The following COL6A5 variants were observed in gnomAD, a reference collection of about 807,000 sequenced individuals.
COL6A5 encodes the protein collagen alpha-5(VI) chain.
In COL6A5, 48 loss-of-function variants were observed where a neutral mutation model predicts 65.6. That is an observed-to-expected ratio of 0.73 (90% CI 0.58 to 0.93). The LOEUF (loss-of-function observed/expected upper bound fraction) is 0.93, where lower values mean the gene tolerates loss of function less well. Among genes scored for constraint, COL6A5 ranks in the 40% least tolerant of loss-of-function variants. The pLI, the probability that COL6A5 is intolerant of heterozygous loss-of-function variation, is 0.00. For synonymous variants in COL6A5, 291 were observed against 322.8 expected (o/e 0.90, Z 1.05); for missense variants, 914 against 928.3 (o/e 0.98, Z 0.20).
intron 4 of COL6A5, among the ~76,000 whole-genome samples, chr3:130,452,167 C>T (rs1709458553): frequency 6.6e-6 from 1 of 152,176 alleles, no homozygotes; most frequent in African/African-American, 2.4e-5. Flanking sequence ...CCAGACCATA[C>T]ACAGACTACT....
At position 130,425,220 on chromosome 3, in the gene COL6A5, C is replaced by G. The variant is rs141583419; in HGVS notation, c.5164-994C>G. The stretch of plus-strand genomic sequence containing the variant: ...GTCCCAATGGGTACGACTGGGGATG[C>G]CACAACAGTTCGGATTAACTCCAGC... On this transcript the variant is annotated intron_variant and NMD_transcript_variant, in intron 29 of 41. Coordinates refer to the COL6A5 transcript ENST00000312481. Among the ~76,000 whole-genome samples, 782 of 152,156 alleles carry G rather than the reference C, an allele frequency of 5.1e-3. 18 individuals carry two copies. The highest frequency in any genetic ancestry group is 0.048 in the Admixed American group (733 of 15,252).
In COL6A5 at chr3:130,410,461, A is replaced by C; in HGVS notation, c.4609-10A>C. 2.6e-6 allele frequency: 4 copies of C among 1,547,442 alleles called. No homozygotes were observed. Among genetic ancestry groups the C allele is most frequent in the Non-Finnish European group, 3.5e-6 (4 of 1,143,908 alleles). ...TCCTTTTGATCTTGAGGAAATTATTATATTTTTAGGGTAGAAGTGGACAGA... is the reference window on the plus strand; with the variant it reads ...TCCTTTTGATCTTGAGGAAATTATTCTATTTTTAGGGTAGAAGTGGACAGA... On this transcript the variant is annotated splice_polypyrimidine_tract_variant and intron_variant and NMD_transcript_variant, in intron 19 of 41. Transcript: ENST00000312481.
chr3:130,429,179 C>A (rs1937690054), upstream of COL6A5, among the ~76,000 whole-genome samples: 1 of 152,156 alleles, frequency 6.6e-6, no homozygotes, highest in Admixed American at 6.6e-5. Context: ...GAAAATAAGA[C>A]CCCGTATTTT....
intron 5 of COL6A5, among the ~76,000 whole-genome samples, chr3:130,386,595 G>A (rs931761042): frequency 1.3e-5 from 2 of 152,036 alleles, no homozygotes; most frequent in Non-Finnish European, 2.9e-5. Flanking sequence ...GTCTTAGAAA[G>A]AGTGCAAGAA....
At chr3:130,400,953 T>C in intron 10 of COL6A5, 78 bp from the exon 11 acceptor site, 1 of 1,171,498 alleles carries the variant, frequency 8.5e-7, no homozygotes, top group Non-Finnish European at 1.2e-6. Flanking sequence ...TCATGTTCAC[T>C]GAGTAGAATT....
At chr3:130,359,103 T>A (rs76611126) in intron 1 of COL6A5, among the ~76,000 whole-genome samples, 6,170 of 152,244 alleles carry the variant, frequency 0.041, 200 homozygotes, top group Middle Eastern at 0.12. Flanking sequence ...TGACAATTTT[T>A]AAGGACTTTC....
intron 10 of COL6A5, 72 bp from the exon 11 acceptor site, chr3:130,400,959 G>C: frequency 8.1e-7 from 1 of 1,242,222 alleles, no homozygotes; most frequent in Non-Finnish European, 1.1e-6. Context: ...TCACTGAGTA[G>C]AATTATTATG....
At chr3:130,367,642 A>G (rs762934091) in intron 1 of COL6A5, among the ~76,000 whole-genome samples, 20 of 152,340 alleles carry the variant, frequency 1.3e-4, no homozygotes, top group Middle Eastern at 6.8e-3. Flanking sequence ...GCTAAATCCA[A>G]ACTGCCTACA....
chr3:130,454,999 G>C (rs1171036541), intron 4 of COL6A5, among the ~76,000 whole-genome samples: 1 of 151,936 alleles, frequency 6.6e-6, no homozygotes, highest in Non-Finnish European at 1.5e-5. Flanking sequence ...AATTAGCCCA[G>C]CATGGTGGCA....
chr3:130,398,128 GTTTTTTTT>G lies in COL6A5; in HGVS notation c.3991+30_3991+37del. 2 of 906,614 alleles carry G rather than the reference GTTTTTTTT, an allele frequency of 2.2e-6. No homozygotes were observed. Among genetic ancestry groups the G allele is most frequent in the Non-Finnish European group, 3.1e-6 (2 of 648,678 alleles). 56.2% of individuals were successfully genotyped at this position (906,614 alleles called of 1,614,324 possible). ...GAGAAGCAGGTATTGAGTTGTTGTT[GTTTTTTTT>G]TTTTTTTTTTTTGAGATGGAGTGTC... On this transcript the variant is annotated intron_variant and NMD_transcript_variant, in intron 10 of 41. Transcript: ENST00000312481.
At chr3:130,359,591 G>T (rs1352237765) in intron 1 of COL6A5, among the ~76,000 whole-genome samples, 2 of 151,922 alleles carry the variant, frequency 1.3e-5, no homozygotes, top group African/African-American at 4.8e-5. Flanking sequence ...TATGGTAAGA[G>T]AATCCTATAA....
chr3:130,414,267 G>T, intron 22 of COL6A5, 136 bp downstream of exon 22: 1 of 693,300 alleles, frequency 1.4e-6, no homozygotes. Flanking sequence ...ATCATGGGGT[G>T]GGGGGTGATT....
exon 1 of COL6A5, chr3:130,345,677 C>T: frequency 2.5e-6 from 1 of 398,676 alleles, no homozygotes; most frequent in East Asian, 3.6e-5. Context: ...TCTGGACACT[C>T]ACATTAAAAC....
rs1364724193 is a variant in COL6A5 at position 130,440,597 on chromosome 3, G to C, written c.1015G>C (p.Ala339Pro). The change falls in exon 3 of 8, where the codon GCT becomes CCT. Residue 339 changes from alanine to proline, a missense_variant. Transcript: ENST00000512836. ...ACACAAGGTCATCTTTGTGGTCTCAGCTGGAGAAAATTATGAGAGAAAAGA... is the reference window on the plus strand; with the variant it reads ...ACACAAGGTCATCTTTGTGGTCTCACCTGGAGAAAATTATGAGAGAAAAGA... 5.0e-6 allele frequency: 8 copies of C among 1,613,450 alleles called. No homozygotes were observed. In the East Asian group the frequency reaches 1.6e-4, roughly 32 times the overall value.
chr3:130,386,440 C>A (rs895356367), intron 5 of COL6A5, among the ~76,000 whole-genome samples: 1 of 151,918 alleles, frequency 6.6e-6, no homozygotes, highest in South Asian at 2.1e-4. Context: ...AAACTGAAAA[C>A]GTGTTTGAAT....
intron 22 of COL6A5, among the ~76,000 whole-genome samples, chr3:130,414,366 GTCT>G (rs1440600021): frequency 6.6e-6 from 1 of 151,988 alleles, no homozygotes; most frequent in African/African-American, 2.4e-5. Flanking sequence ...CTGGTATTGT[GTCT>G]TCTTATTAGT....
chr3:130,448,151 T>C (rs1000358090), intron 4 of COL6A5, among the ~76,000 whole-genome samples: 1 of 152,168 alleles, frequency 6.6e-6, no homozygotes, highest in African/African-American at 2.4e-5. Flanking sequence ...CACACAAAGT[T>C]TTTAACACAG....
chr3:130,440,802 A>G lies in COL6A5; in HGVS notation c.1220A>G (p.Lys407Arg). 4 of 1,611,958 alleles carry G rather than the reference A, an allele frequency of 2.5e-6. No homozygotes were observed. Among genetic ancestry groups the G allele is most frequent in the Non-Finnish European group, 3.4e-6 (4 of 1,178,846 alleles). ...CTGAATTATATTGCGAAGTTCTTAA[A>G]GCCATTTTTATACTCGGTCAGGCGT... Residue 407 changes from lysine to arginine, a missense_variant, in exon 3 of 8, where the codon AAG (lysine) becomes AGG (arginine). Lys to Arg is a conservative substitution (Grantham distance 26). Transcript: ENST00000512836.
upstream of COL6A5, chr3:130,431,227 T>A (rs1937787336): frequency 2.9e-6 from 2 of 685,224 alleles, no homozygotes; most frequent in Admixed American, 4.0e-5. Context: ...TGATTGATAG[T>A]GGGCTGTGAA....
Sources: gnomAD v4.1 joint callset for allele counts (sites outside exome capture counted in the v4.1 genomes callset) on GRCh38, gnomAD v4.1.1 for gene constraint, MANE v1.5 for transcripts, NCBI Gene and HGNC (gene_info 2026-07-23, HGNC 2026-07-21) for gene names.